CENPC: variants seen among roughly 807,000 people sequenced by gnomAD.
CENPC encodes centromere protein C, also known as CENP-C 1.
CENPC carries 63 observed loss-of-function variants against 112.1 expected under a neutral mutation model. The ratio of observed to expected loss-of-function variants is 0.56; its 90% CI spans 0.46 to 0.69. CENPC has a LOEUF of 0.69. CENPC is among the 30% of genes least tolerant of loss of function. The pLI, the probability that CENPC is intolerant of heterozygous loss-of-function variation, is 0.00. For missense variants in CENPC, 1,000 were observed against 1,103.8 expected (o/e 0.91, Z 1.33); for synonymous variants, 333 against 367.6 (o/e 0.91, Z 1.08).
At chr4:67,517,745 G>T (rs1408041228) in intron 7 of CENPC, among the ~76,000 whole-genome samples, 1 of 151,996 alleles carries the variant, frequency 6.6e-6, no homozygotes, top group Admixed American at 6.6e-5. Context: ...GGCTGAGCAG[G>T]AGAATCTCTT....
intron 4 of CENPC, among the ~76,000 whole-genome samples, chr4:67,531,195 T>C (rs545492671): frequency 2.0e-4 from 30 of 152,078 alleles, no homozygotes; most frequent in African/African-American, 6.5e-4. Context: ...ACTTATTAAA[T>C]AAATAAATTA....
At chr4:67,488,266 TG>T (rs1232178580) in intron 17 of CENPC, among the ~76,000 whole-genome samples, 1 of 149,300 alleles carries the variant, frequency 6.7e-6, no homozygotes, top group Non-Finnish European at 1.5e-5. Context: ...GTGCAGTACC[TG>T]GAACACATAA....
chr4:67,539,357 T>C (rs1197891567), intron 4 of CENPC, among the ~76,000 whole-genome samples: 1 of 152,198 alleles, frequency 6.6e-6, no homozygotes, highest in African/African-American at 2.4e-5. Context: ...TTTTGAATAA[T>C]TTGCCTTAGA....
intron 9 of CENPC, chr4:67,511,113 A>G: frequency 2.2e-6 from 1 of 452,768 alleles, no homozygotes; most frequent in East Asian, 7.0e-5. Context: ...TGCTAATTGC[A>G]TTTAAACCTT....
rs1178277306 is a variant in CENPC, at chr4:67,470,504, G to C, written c.*2101C>G. On this transcript the variant is annotated 3_prime_UTR_variant, in exon 19 of 19. Transcript: ENST00000273853. ...GGAGAATTGCTTGAACCCGGGAGGT[G>C]GAGGTTGCAGTGAGCCGAGATCACA... 7.0e-6 allele frequency: 1 copy of C among 143,686 alleles called. No homozygotes were observed. Among genetic ancestry groups the C allele is most frequent in the Non-Finnish European group, 1.5e-5 (1 of 66,576 alleles). The allele number at this position is 143,686 out of a possible 1,614,324, so 8.9% of individuals were successfully genotyped here.
chr4:67,492,210 C>T lies in CENPC; in HGVS notation c.2485G>A (p.Asp829Asn), dbSNP rs1193840705. The change falls in exon 16 of 19, where the codon GAC (aspartate) becomes AAC (asparagine). Residue 829 changes from aspartate to asparagine, a missense_variant. By Grantham distance (23) the Asp-to-Asn change is conservative. Transcript: ENST00000273853. ...AGAATAATCTCTCTTGTTTCTGGGT[C>T]CTTTACCCTCGTTGGCTGCAAAGGA... ...GDPLQPTRVK[D>N]PETREIILMD... 1 of 1,567,564 alleles carries T rather than the reference C, an allele frequency of 6.4e-7. No individual in the cohort carries two copies. The highest frequency in any genetic ancestry group is 8.7e-7 in the Non-Finnish European group (1 of 1,154,030).
intron 5 of CENPC, among the ~76,000 whole-genome samples, chr4:67,522,047 T>C (rs139594735): frequency 8.9e-4 from 135 of 152,354 alleles, no homozygotes; most frequent in Non-Finnish European, 1.6e-3. Context: ...TTAATGCTAC[T>C]GAACTGTATA....
At chr4:67,497,828 C>T (rs999932332) in intron 12 of CENPC, among the ~76,000 whole-genome samples, 3 of 137,966 alleles carry the variant, frequency 2.2e-5, no homozygotes, top group African/African-American at 8.1e-5. Flanking sequence ...CCATACCCAG[C>T]CAAAAGTTAT....
chr4:67,514,191 T>C lies in CENPC; in HGVS notation c.1327A>G (p.Asn443Asp), dbSNP rs1725980914. The stretch of plus-strand genomic sequence containing the variant: ...TGGGTAATATGTGATGTATGTATGT[T>C]TTCATCTTTAGACTGTCCCACATCA... ...QLDVGQSKDE[N>D]IHTSHITQDE... Residue 443 changes from asparagine to aspartate, a missense_variant, in exon 8 of 19, where the codon AAC (asparagine) becomes GAC (aspartate). Transcript: ENST00000273853. 6.2e-7 allele frequency: 1 copy of C among 1,612,994 alleles called. No individual in the cohort carries two copies. Among genetic ancestry groups the C allele is most frequent in the Non-Finnish European group, 8.5e-7 (1 of 1,179,602 alleles).
At chr4:67,491,750 T>C (rs1725288266) in intron 16 of CENPC, among the ~76,000 whole-genome samples, 1 of 152,060 alleles carries the variant, frequency 6.6e-6, no homozygotes, top group African/African-American at 2.4e-5. Flanking sequence ...CAGGTAACAT[T>C]ACTGCCATCT....
chr4:67,506,902 A>G lies in CENPC; in HGVS notation c.1937T>C (p.Ile646Thr). Residue 646 changes from isoleucine (I) to threonine (T), a missense_variant, in exon 11 of 19, where the codon ATT (isoleucine) becomes ACT (threonine). Physicochemically the swap from Ile to Thr is moderately conservative, Grantham distance 89. Transcript: ENST00000273853. The part of the protein sequence containing the change: ...STRSSKNEDN[I>T]MTAQNVPLKP... ...TAGGGGAACATTCTGTGCAGTCATA[A>G]TGTTATCTTCATTCTTTGAGCTTCT... 1.2e-6 allele frequency: 2 copies of G among 1,611,418 alleles called. No homozygotes were observed. The highest frequency in any genetic ancestry group is 1.7e-6 in the Non-Finnish European group (2 of 1,178,542).
intron 4 of CENPC, among the ~76,000 whole-genome samples, chr4:67,539,576 A>T (rs183453242): frequency 1.1e-4 from 17 of 152,182 alleles, no homozygotes; most frequent in African/African-American, 4.1e-4. Flanking sequence ...TTTTCCTAAA[A>T]ACCTAATTTG....
intron 17 of CENPC, among the ~76,000 whole-genome samples, chr4:67,488,745 A>G (rs188300669): frequency 6.6e-6 from 1 of 152,078 alleles, no homozygotes; most frequent in Admixed American, 6.5e-5. Flanking sequence ...CTATGCTTTT[A>G]AAATGTGTTA....
chr4:67,530,468 T>C (rs940705489), intron 5 of CENPC, among the ~76,000 whole-genome samples: 4 of 151,962 alleles, frequency 2.6e-5, no homozygotes, highest in African/African-American at 4.8e-5. Flanking sequence ...GGTACAGAAC[T>C]ATTTAAAGGC....
chr4:67,478,574 T>C (rs1419237684), intron 17 of CENPC, among the ~76,000 whole-genome samples: 1 of 148,388 alleles, frequency 6.7e-6, no homozygotes, highest in Non-Finnish European at 1.5e-5. Flanking sequence ...AAACAAAAAC[T>C]CAAAATATAT....
intron 12 of CENPC, among the ~76,000 whole-genome samples, chr4:67,503,718 T>C (rs186626907): frequency 6.6e-6 from 1 of 152,110 alleles, no homozygotes; most frequent in East Asian, 1.9e-4. Context: ...CATATCTGTA[T>C]ACAAATTATT....
intron 8 of CENPC, among the ~76,000 whole-genome samples, chr4:67,513,289 T>C (rs1725948564): frequency 6.6e-6 from 1 of 152,154 alleles, no homozygotes; most frequent in Admixed American, 6.6e-5. Flanking sequence ...CAATGTTTGT[T>C]GTTTTAAGCC....
intron 7 of CENPC, among the ~76,000 whole-genome samples, chr4:67,516,852 C>T (rs1240692384): frequency 6.6e-6 from 1 of 151,896 alleles, no homozygotes; most frequent in Non-Finnish European, 1.5e-5. Flanking sequence ...GCAAGAAAGA[C>T]AATCAAAAGG....
intron 2 of CENPC, among the ~76,000 whole-genome samples, chr4:67,543,070 T>C (rs1276780072): frequency 1.1e-4 from 17 of 152,168 alleles, no homozygotes; most frequent in Non-Finnish European, 2.5e-4. Context: ...ACATCAAACA[T>C]CTTTGCTTTT....
Sources: gnomAD v4.1 joint callset for allele counts (sites outside exome capture counted in the v4.1 genomes callset) on GRCh38, gnomAD v4.1.1 for gene constraint, MANE v1.5 for transcripts, NCBI Gene and HGNC (gene_info 2026-07-23, HGNC 2026-07-21) for gene names.